The following TLE6 variants were observed in gnomAD, a reference collection of about 807,000 sequenced individuals.
TLE6 encodes the protein transducin-like enhancer protein 6.
Under a neutral mutation model 77.1 loss-of-function variants are expected in TLE6, and 72 were observed. That is an observed-to-expected ratio of 0.93 (90% CI 0.77 to 1.14). The LOEUF (loss-of-function observed/expected upper bound fraction) is 1.14, where lower values mean the gene tolerates loss of function less well. Ranked by LOEUF, TLE6 falls within the 50% of genes most tolerant of loss-of-function variation. The pLI is 0.00. For missense variants in TLE6, 843 were observed against 747.6 expected (o/e 1.13, Z -1.49); for synonymous variants, 366 against 287.3 (o/e 1.27, Z -2.77).
chr19:2,983,006 C>A (rs2088830379), intron 5 of TLE6, among the ~76,000 whole-genome samples: 1 of 152,072 alleles, frequency 6.6e-6, no homozygotes, highest in Non-Finnish European at 1.5e-5. Flanking sequence ...CTGGCCCAAG[C>A]AGAAGTACGC....
At position 2,982,127 on chromosome 19, in the gene TLE6, ATC is replaced by A. The variant is rs2088810532; in HGVS notation, c.181-17_181-16del. 14 of 1,551,516 alleles carry A rather than the reference ATC, an allele frequency of 9.0e-6. No homozygotes were observed. The highest frequency in any genetic ancestry group is 1.2e-5 in the Non-Finnish European group (14 of 1,146,936). On this transcript the variant is annotated intron_variant, in intron 4 of 16. Coordinates refer to ENST00000246112, the MANE Select transcript of TLE6 (RefSeq NM_001143986.2). ...CACACCCGGACCACCTCCCGATGGG[ATC>A]TCTGTTTTCCCTTTGCAGCTGCACA... is the stretch of plus-strand genomic sequence containing the variant.
chr19:2,985,339 C>G (rs2088884023), intron 5 of TLE6, among the ~76,000 whole-genome samples: 1 of 149,824 alleles, frequency 6.7e-6, no homozygotes, highest in African/African-American at 2.5e-5. Context: ...AAAGTTTAAG[C>G]AAATTAAAAC....
chr19:2,989,207 G>C lies in TLE6; in HGVS notation c.887G>C (p.Ser296Thr), dbSNP rs908874979. ...GELVLATAIS[S>T]FTRHVFTCGR... is the part of the protein sequence containing the mutation. ...CTCGTGCTCGCCACGGCCATCAGCA[G>C]CTTCACGCGGCACGTGTTCACCTGT... Residue 296 changes from serine (S) to threonine (T), a missense_variant, in exon 12 of 17, where the codon AGC becomes ACC. Ser to Thr is a moderately conservative substitution (Grantham distance 58). Coordinates refer to ENST00000246112, the MANE Select transcript of TLE6 (RefSeq NM_001143986.2). The C allele has an allele frequency of 1.2e-6, 2 of 1,614,040 alleles. No homozygotes were observed. Among genetic ancestry groups the C allele is most frequent in the Non-Finnish European group, 1.7e-6 (2 of 1,180,060 alleles).
chr19:2,990,076 C>T (rs1051542602), intron 13 of TLE6, among the ~76,000 whole-genome samples: 5 of 152,108 alleles, frequency 3.3e-5, no homozygotes, highest in African/African-American at 9.7e-5. Flanking sequence ...AACTCAAAGG[C>T]TTGTTAGAGG....
At chr19:2,979,625 CA>C (rs2088754164) in intron 2 of TLE6, among the ~76,000 whole-genome samples, 1 of 151,694 alleles carries the variant, frequency 6.6e-6, no homozygotes, top group Non-Finnish European at 1.5e-5. Context: ...GGCCAAAGTG[CA>C]AAATGGAAGA....
intron 15 of TLE6, 30 bp downstream of exon 15, chr19:2,993,612 C>G (rs1286586007): frequency 2.0e-6 from 3 of 1,527,142 alleles, no homozygotes; most frequent in Admixed American, 2.0e-5. Flanking sequence ...TGAGGGGACT[C>G]CCCTGCAGCC....
rs539534763 is a variant in TLE6 at position 2,983,708 on chromosome 19, C to T, written c.222+1519C>T. On this transcript the variant is annotated intron_variant, in intron 5 of 16. Coordinates refer to ENST00000246112, the MANE Select transcript of TLE6 (RefSeq NM_001143986.2). Reference sequence around the variant, plus strand: ...AACCCTGAGGGAGGGAGGTGGGAGCCATGGAGGGCTTCAGACAGAGGGCAG... The same window carrying T: ...AACCCTGAGGGAGGGAGGTGGGAGCTATGGAGGGCTTCAGACAGAGGGCAG... Among the ~76,000 whole-genome samples, 158 of 151,862 alleles carry T rather than the reference C, an allele frequency of 1.0e-3. 1 individual carries two copies. The highest frequency in any genetic ancestry group is 1.1e-3 in the Non-Finnish European group (74 of 67,952).
rs1052219299 is a variant in TLE6 at position 2,988,221 on chromosome 19, C to A, written c.740+93C>A. The A allele has an allele frequency of 1.6e-5, 21 of 1,315,760 alleles. No homozygotes were observed. The African/African-American group carries it at 3.1e-4, about 19-fold the overall frequency. 81.5% of individuals were successfully genotyped at this position (1,315,760 alleles called of 1,614,324 possible). A position where few individuals can be genotyped will look rare whatever the true frequency, so the allele number is the denominator to read the frequency against. On this transcript the variant is annotated intron_variant, in intron 11 of 16. Transcript: ENST00000246112. Reference sequence around the variant, plus strand: ...TCTGTTCCCGACACATAGAGGGGAACAGAGGTGTAAGACTTTCTTCCCCTT... The same window carrying A: ...TCTGTTCCCGACACATAGAGGGGAAAAGAGGTGTAAGACTTTCTTCCCCTT...
chr19:2,983,396 G>A (rs1236434210), intron 5 of TLE6, among the ~76,000 whole-genome samples: 2 of 152,122 alleles, frequency 1.3e-5, no homozygotes, highest in Admixed American at 1.3e-4. Context: ...GGAGGCCAGG[G>A]TGGGCGAGGG....
At chr19:2,985,935 T>C (rs2088898877) in intron 5 of TLE6, among the ~76,000 whole-genome samples, 1 of 149,974 alleles carries the variant, frequency 6.7e-6, no homozygotes, top group African/African-American at 2.4e-5. Context: ...AATCAGTCTG[T>C]GTAGTGGCAC....
At chr19:2,987,812 C>A (rs766955718) in intron 9 of TLE6, 22 bp downstream of exon 9, 1 of 1,614,064 alleles carries the variant, frequency 6.2e-7, no homozygotes, top group South Asian at 1.1e-5. Flanking sequence ...GGGCAGGGGC[C>A]GACCGACTCC....
At chr19:2,990,233 C>A (rs988360810) in intron 13 of TLE6, among the ~76,000 whole-genome samples, 2 of 151,756 alleles carry the variant, frequency 1.3e-5, no homozygotes, top group African/African-American at 4.8e-5. Flanking sequence ...CGAATTTATT[C>A]TATTTTTATT....
chr19:2,995,083 T>TG lies in TLE6; in HGVS notation c.*81dup. On this transcript the variant is annotated 3_prime_UTR_variant, in exon 17 of 17. Transcript: ENST00000246112. ...CCCCCCCCCAACAAGGGGGACATGG[T>TG]GGAGGGAAGCGGGAAGGCTCTTCTG... is the stretch of plus-strand genomic sequence containing the variant. The TG allele has an allele frequency of 1.1e-6, 1 of 917,578 alleles. No homozygotes were observed. Among genetic ancestry groups the TG allele is most frequent in the Non-Finnish European group, 1.7e-6 (1 of 595,136 alleles). The allele number at this position is 917,578 out of a possible 1,614,324, so 56.8% of individuals were successfully genotyped here.
intron 2 of TLE6, among the ~76,000 whole-genome samples, chr19:2,979,283 G>A (rs914186844): frequency 6.8e-6 from 1 of 147,890 alleles, no homozygotes; most frequent in African/African-American, 2.5e-5. Context: ...TCTTGCTCTT[G>A]TTGCCCAGGC....
At position 2,980,137 on chromosome 19, in the gene TLE6, C is replaced by T. The variant is rs751941659; in HGVS notation, c.89C>T (p.Thr30Met). The T allele has an allele frequency of 7.1e-6, 11 of 1,550,172 alleles. No homozygotes were observed. Among genetic ancestry groups the T allele is most frequent in the Non-Finnish European group, 6.1e-6 (7 of 1,146,024 alleles). ...ATCTCGAACTCTGAGAGCTCTCCGA[C>T]GCTGAATTATCAGGGCATTCTAAAT... Reference protein sequence around the residue: ...PGISNSESSPTLNYQGILNRL... With the variant: ...PGISNSESSPMLNYQGILNRL... The change falls in exon 3 of 17, where the codon ACG becomes ATG. Residue 30 changes from threonine to methionine, a missense_variant. Transcript: ENST00000246112.
chr19:2,994,805 C>T, intron 16 of TLE6, 95 bp from the exon 17 acceptor site: 1 of 697,934 alleles, frequency 1.4e-6, no homozygotes. Context: ...CCCTGTCTTT[C>T]TTTGAAGAGA....
intron 2 of TLE6, among the ~76,000 whole-genome samples, chr19:2,979,273 T>G (rs538681883): frequency 1.4e-5 from 2 of 147,768 alleles, no homozygotes; most frequent in Non-Finnish European, 3.0e-5. Flanking sequence ...TTTTATTGAG[T>G]CTTGCTCTTG....
intron 5 of TLE6, among the ~76,000 whole-genome samples, chr19:2,982,969 G>A (rs543162492): frequency 6.6e-6 from 1 of 152,070 alleles, no homozygotes; most frequent in Non-Finnish European, 1.5e-5. Flanking sequence ...GGGGGCGCCC[G>A]GGCTCCCATC....
chr19:2,989,714 C>T lies in TLE6; in HGVS notation c.1173C>T (p.Ala391=), dbSNP rs761508677. The part of the protein sequence containing the change: ...NCQALDANLD[A]NLAFASFTSG... ...AGGCCCTGGATGCCAACCTGGATGC[C>T]AACCTGGCCTTCGCCAGCTTCACCA... The change falls in exon 13 of 17, where the codon GCC becomes GCT. Residue 391 remains alanine, a synonymous_variant. Transcript: ENST00000246112. The T allele has an allele frequency of 1.2e-6, 2 of 1,614,100 alleles. No individual in the cohort carries two copies. Among genetic ancestry groups the T allele is most frequent in the Non-Finnish European group, 1.7e-6 (2 of 1,180,056 alleles).
Sources: allele counts gnomAD v4.1 joint callset (sites outside exome capture counted in the v4.1 genomes callset), GRCh38; gene constraint gnomAD v4.1.1; transcripts MANE v1.5; gene names NCBI Gene and HGNC (gene_info 2026-07-23, HGNC 2026-07-21).